Variants in HEMK2 observed in about 807,000 individuals in gnomAD.
HEMK2 encodes methyltransferase HEMK2.
the HEMK2 span, among the ~76,000 whole-genome samples, chr21:28,635,241 T>C: frequency 6.6e-6 from 1 of 152,040 alleles, no homozygotes; most frequent in African/African-American, 2.4e-5. Flanking sequence ...TAGCTGGCAT[T>C]ACGGGTGCCT....
chr21:28,672,986 G>T, the HEMK2 span, among the ~76,000 whole-genome samples: 7 of 126,674 alleles, frequency 5.5e-5, no homozygotes, highest in Admixed American at 1.7e-4. Context: ...AAAAAAGAGA[G>T]AAAGAAAAAG....
At chr21:28,674,228 G>A in the HEMK2 span, among the ~76,000 whole-genome samples, 760 of 152,238 alleles carry the variant, frequency 5.0e-3, 6 homozygotes, top group African/African-American at 0.017. Context: ...GTCTAAAAAG[G>A]GGAGGCATGA....
the HEMK2 span, among the ~76,000 whole-genome samples, chr21:28,761,247 C>CT: frequency 1.3e-5 from 2 of 151,962 alleles, no homozygotes; most frequent in East Asian, 3.9e-4. Flanking sequence ...TTGCAACTTA[C>CT]TTTTTAACAA....
chr21:28,637,169 G>GT, the HEMK2 span, among the ~76,000 whole-genome samples: 1 of 152,238 alleles, frequency 6.6e-6, no homozygotes, highest in Non-Finnish European at 1.5e-5. Context: ...TACATAGACT[G>GT]ACTCAGCCTT....
chr21:28,599,905 A>C, the HEMK2 span, among the ~76,000 whole-genome samples: 14 of 152,364 alleles, frequency 9.2e-5, no homozygotes, highest in Admixed American at 9.1e-4. Context: ...TAAAGCTCCA[A>C]AAGTATCTCC....
chr21:28,580,830 A>G, the HEMK2 span, among the ~76,000 whole-genome samples: 1 of 152,232 alleles, frequency 6.6e-6, no homozygotes, highest in South Asian at 2.1e-4. Context: ...CTTTCTGTAT[A>G]GGTGTTTCCC....
chr21:28,615,760 C>T, the HEMK2 span, among the ~76,000 whole-genome samples: 2 of 152,070 alleles, frequency 1.3e-5, no homozygotes, highest in East Asian at 3.9e-4. Flanking sequence ...CTGCCTTCCA[C>T]AAGGCTAGAA....
At chr21:28,631,145 C>T in the HEMK2 span, among the ~76,000 whole-genome samples, 4 of 152,096 alleles carry the variant, frequency 2.6e-5, no homozygotes, top group Non-Finnish European at 5.9e-5. Flanking sequence ...ATCCAAAGCT[C>T]TCCCTCTTCC....
the HEMK2 span, among the ~76,000 whole-genome samples, chr21:28,578,163 A>G: frequency 4.6e-5 from 7 of 152,200 alleles, no homozygotes; most frequent in African/African-American, 1.7e-4. Context: ...GCTCCTGGAA[A>G]AGCTTAACTC....
the HEMK2 span, among the ~76,000 whole-genome samples, chr21:28,866,175 A>AAAAAAACC: frequency 6.6e-5 from 5 of 76,234 alleles, 1 homozygote; most frequent in Non-Finnish European, 1.0e-4. Context: ...CAAAAAAAAA[A>AAAAAAACC]ACACACACAC....
chr21:28,874,170 C>T, the HEMK2 span: 1 of 152,174 alleles, frequency 6.6e-6, no homozygotes, highest in Non-Finnish European at 1.5e-5. Flanking sequence ...TAAGAAAATT[C>T]CATGATCATG....
At chr21:28,881,021 T>A in the HEMK2 span, among the ~76,000 whole-genome samples, 1 of 152,014 alleles carries the variant, frequency 6.6e-6, no homozygotes, top group Admixed American at 6.6e-5. Context: ...TATTTTGCCT[T>A]TCATATGTCT....
the HEMK2 span, among the ~76,000 whole-genome samples, chr21:28,659,392 T>C: frequency 3.8e-4 from 58 of 152,194 alleles, no homozygotes; most frequent in African/African-American, 1.4e-3. Flanking sequence ...TTTTATCAGT[T>C]CAGAATTTTG....
the HEMK2 span, among the ~76,000 whole-genome samples, chr21:28,871,171 T>C: frequency 4.6e-5 from 7 of 152,358 alleles, no homozygotes; most frequent in East Asian, 5.8e-4. Flanking sequence ...CATTCTTTAG[T>C]GTCTGTATTA....
chr21:28,785,071 G>A, the HEMK2 span, among the ~76,000 whole-genome samples: 1 of 152,102 alleles, frequency 6.6e-6, no homozygotes, highest in African/African-American at 2.4e-5. Context: ...AGCTGTAACA[G>A]TCACCACGAA....
the HEMK2 span, among the ~76,000 whole-genome samples, chr21:28,745,064 T>G: frequency 6.6e-6 from 1 of 152,202 alleles, no homozygotes; most frequent in Non-Finnish European, 1.5e-5. Context: ...TAGCCACTAT[T>G]GGCAAAAAAT....
chr21:28,628,581 T>C, the HEMK2 span, among the ~76,000 whole-genome samples: 5 of 152,126 alleles, frequency 3.3e-5, no homozygotes, highest in African/African-American at 1.2e-4. Context: ...CCTCCCAAGC[T>C]AGCTGGAATT....
the HEMK2 span, among the ~76,000 whole-genome samples, chr21:28,623,227 T>TC: frequency 6.6e-6 from 1 of 152,052 alleles, no homozygotes; most frequent in African/African-American, 2.4e-5. Context: ...AAAAAACATA[T>TC]GAAAAAAACT....
the HEMK2 span, among the ~76,000 whole-genome samples, chr21:28,795,857 T>C: frequency 6.6e-6 from 1 of 152,172 alleles, no homozygotes; most frequent in Non-Finnish European, 1.5e-5. Context: ...CCTAAAGTGA[T>C]ATTGAAGGCT....
Sources: gnomAD v4.1 joint callset for allele counts (sites outside exome capture counted in the v4.1 genomes callset) on GRCh38, gnomAD v4.1.1 for gene constraint, MANE v1.5 for transcripts, NCBI Gene and HGNC (gene_info 2026-07-23, HGNC 2026-07-21) for gene names.